Variants in TFB1M observed in about 807,000 individuals in gnomAD.
The protein encoded by TFB1M is transcription factor B1, mitochondrial, also known as dimethyladenosine transferase 1, mitochondrial.
A neutral mutation model predicts 31.1 loss-of-function variants in TFB1M; 27 were observed. The observed-to-expected ratio is 0.87, with a 90% CI of 0.64 to 1.20. TFB1M has a LOEUF of 1.20. Among genes scored for constraint, TFB1M ranks in the 50% most tolerant of loss-of-function variants. The probability of loss-of-function intolerance (pLI) is 0.00; values close to 1 mark genes in which losing one functional copy is unlikely to be tolerated. For missense variants in TFB1M, 394 were observed against 418.7 expected (o/e 0.94, Z 0.51); for synonymous variants, 166 against 151.8 (o/e 1.09, Z -0.69).
chr6:155,289,855 G>A (rs1421538803), intron 4 of TFB1M, among the ~76,000 whole-genome samples: 1 of 152,146 alleles, frequency 6.6e-6, no homozygotes, highest in African/African-American at 2.4e-5. Context: ...ACGACAGTGA[G>A]TGAGTTCTCA....
intron 4 of TFB1M, among the ~76,000 whole-genome samples, chr6:155,290,163 G>C (rs961199857): frequency 6.6e-6 from 1 of 152,054 alleles, no homozygotes; most frequent in Non-Finnish European, 1.5e-5. Flanking sequence ...GAGGCGTGTG[G>C]ATCACGAGGT....
At chr6:155,284,544 T>C (rs1410889235) in intron 5 of TFB1M, among the ~76,000 whole-genome samples, 2 of 152,212 alleles carry the variant, frequency 1.3e-5, no homozygotes, top group Admixed American at 6.5e-5. Context: ...TTTTTAATAG[T>C]ACACATCTTG....
chr6:155,244,836 T>C, the TFB1M span: 4 of 1,542,360 alleles, frequency 2.6e-6, no homozygotes, highest in Admixed American at 6.1e-5. Context: ...ATGGTACGTA[T>C]TTCTCTCATG....
At chr6:155,310,879 C>T in intron 2 of TFB1M, 1 of 308,132 alleles carries the variant, frequency 3.2e-6, no homozygotes. Flanking sequence ...AGGAATGGGC[C>T]ACGACATGCA....
the TFB1M span, chr6:155,248,203 G>T: frequency 6.2e-7 from 1 of 1,607,836 alleles, no homozygotes; most frequent in South Asian, 1.1e-5. Context: ...GGCACCTCCG[G>T]GCGAGGGCCT....
At position 155,257,182 on chromosome 6, in the gene TFB1M, G is replaced by GA; in HGVS notation, c.*653_*654insT. The GA allele has an allele frequency of 9.4e-7, 1 of 1,065,912 alleles. No homozygotes were observed. Among genetic ancestry groups the GA allele is most frequent in the Non-Finnish European group, 1.3e-6 (1 of 761,718 alleles). 66.0% of individuals were successfully genotyped at this position (1,065,912 alleles called of 1,614,324 possible). A position where few individuals can be genotyped will look rare whatever the true frequency, so the allele number is the denominator to read the frequency against. Reference sequence around the variant, plus strand: ...TTTACTTTTAAACTGGTGGTAAAGTGGAAATTGCAAAAAAAAAAAAAAAAA... The same window carrying GA: ...TTTACTTTTAAACTGGTGGTAAAGTGAGAAATTGCAAAAAAAAAAAAAAAAA... On this transcript the variant is annotated 3_prime_UTR_variant, in exon 7 of 7. Transcript: ENST00000367166.
intron 5 of TFB1M, among the ~76,000 whole-genome samples, chr6:155,273,858 G>A (rs532805731): frequency 6.6e-6 from 1 of 152,084 alleles, no homozygotes. Flanking sequence ...GTTTCTTTCA[G>A]CTCCAAGATT....
At chr6:155,263,292 A>G (rs2114672542) in intron 5 of TFB1M, among the ~76,000 whole-genome samples, 2 of 152,332 alleles carry the variant, frequency 1.3e-5, no homozygotes, top group East Asian at 3.9e-4. Flanking sequence ...TTTTAAGTCT[A>G]TTAATGGGTT....
At chr6:155,284,025 G>A (rs908202933) in intron 5 of TFB1M, among the ~76,000 whole-genome samples, 32 of 152,166 alleles carry the variant, frequency 2.1e-4, no homozygotes, top group African/African-American at 7.7e-4. Flanking sequence ...AGATGCTGAA[G>A]GGAGGTGGCA....
At chr6:155,292,957 T>C (rs937872014) in intron 4 of TFB1M, among the ~76,000 whole-genome samples, 1 of 152,050 alleles carries the variant, frequency 6.6e-6, no homozygotes, top group Non-Finnish European at 1.5e-5. Context: ...GCCTCCTGAG[T>C]AGTCGAGACC....
At chr6:155,292,115 T>C (rs1490865419) in intron 4 of TFB1M, among the ~76,000 whole-genome samples, 2 of 152,250 alleles carry the variant, frequency 1.3e-5, no homozygotes, top group East Asian at 1.9e-4. Flanking sequence ...CTGGAGGCCC[T>C]TCTCAGGCTG....
chr6:155,255,659 AGTT>A (rs1783956869), downstream of TFB1M: 3 of 151,760 alleles, frequency 2.0e-5, no homozygotes, highest in South Asian at 6.2e-4. Flanking sequence ...AATTTCAGAA[AGTT>A]GTTTTGAAAT....
Position 155,309,209 on chromosome 6 carries a change from G to GTA in TFB1M, c.285+1977_285+1978dup, listed in dbSNP as rs1215314973. Among the ~76,000 whole-genome samples, 5 of 152,128 alleles carry GTA rather than the reference G, an allele frequency of 3.3e-5. No homozygotes were observed. The South Asian group carries it at 6.2e-4, about 19-fold the overall frequency. On this transcript the variant is annotated intron_variant, in intron 2 of 6. Coordinates refer to ENST00000367166, the MANE Select transcript of TFB1M (RefSeq NM_016020.4). Reference sequence around the variant, plus strand: ...ATATGAGAGATACATATACATTTGTGTATATATATACACAGATGCAGAAAT... The same window carrying GTA: ...ATATGAGAGATACATATACATTTGTGTATATATATATACACAGATGCAGAAAT...
chr6:155,254,330 T>C (rs1436568594), downstream of TFB1M: 2 of 1,532,138 alleles, frequency 1.3e-6, no homozygotes, highest in Non-Finnish European at 1.8e-6. Context: ...GTCCAGCAGG[T>C]GCAAGGCACA....
At chr6:155,295,433 C>G (rs1441784065) in intron 4 of TFB1M, among the ~76,000 whole-genome samples, 1 of 151,868 alleles carries the variant, frequency 6.6e-6, no homozygotes, top group Non-Finnish European at 1.5e-5. Flanking sequence ...TAAGACTATG[C>G]AAGGGAATAA....
chr6:155,263,707 C>A (rs1481209765), intron 5 of TFB1M, among the ~76,000 whole-genome samples: 1 of 152,172 alleles, frequency 6.6e-6, no homozygotes, highest in African/African-American at 2.4e-5. Context: ...ACAGAGGACA[C>A]TGAAGAGACG....
At chr6:155,240,381 G>C in the TFB1M span, 2 of 718,210 alleles carry the variant, frequency 2.8e-6, no homozygotes, top group African/African-American at 3.5e-5. Flanking sequence ...AGCCAGAGGG[G>C]TTTGAGGTGA....
intron 5 of TFB1M, 29 bp from the exon 6 acceptor site, chr6:155,260,429 C>T: frequency 1.2e-6 from 2 of 1,614,056 alleles, no homozygotes; most frequent in Non-Finnish European, 1.7e-6. Flanking sequence ...TATTATCATT[C>T]TGTGGCATGA....
chr6:155,240,388 GTGAA>G, the TFB1M span: 7 of 767,050 alleles, frequency 9.1e-6, no homozygotes, highest in Non-Finnish European at 1.4e-5. Context: ...GGGGTTTGAG[GTGAA>G]TGAAACCCTT....
Sources: allele counts gnomAD v4.1 joint callset (sites outside exome capture counted in the v4.1 genomes callset), GRCh38; gene constraint gnomAD v4.1.1; transcripts MANE v1.5; gene names NCBI Gene and HGNC (gene_info 2026-07-23, HGNC 2026-07-21).